Variants in SHANK2 observed in about 807,000 individuals in gnomAD.
SHANK2 encodes SH3 and multiple ankyrin repeat domains 2, also known as SH3 and multiple ankyrin repeat domains protein 2.
In SHANK2, 43 loss-of-function variants were observed where a neutral mutation model predicts 133.7. The ratio of observed to expected loss-of-function variants is 0.32; its 90% CI spans 0.25 to 0.41. The LOEUF is 0.41. Among genes scored for constraint, SHANK2 ranks in the 10% least tolerant of loss-of-function variants. SHANK2 has a pLI of 1.00. For missense variants in SHANK2, 1,994 were observed against 2,235.8 expected, an observed-to-expected ratio of 0.89 and a Z score of 2.18; for synonymous variants, 1,017 against 952.8, an observed-to-expected ratio of 1.07 and a Z score of -1.24.
intron 17 of SHANK2, among the ~76,000 whole-genome samples, chr11:70,600,174 T>C (rs2060473529): frequency 6.6e-6 from 1 of 151,800 alleles, no homozygotes; most frequent in Non-Finnish European, 1.5e-5. Flanking sequence ...ATCCCAGCCA[T>C]TTGAGAGGCT....
chr11:70,680,571 G>A (rs984497870), intron 15 of SHANK2, among the ~76,000 whole-genome samples: 2 of 152,086 alleles, frequency 1.3e-5, no homozygotes, highest in Non-Finnish European at 2.9e-5. Context: ...ACCTGCATTC[G>A]CCAGGACCAT....
chr11:70,594,117 A>G (rs1554988770), intron 17 of SHANK2, among the ~76,000 whole-genome samples: 1 of 152,116 alleles, frequency 6.6e-6, no homozygotes, highest in African/African-American at 2.4e-5. Context: ...TTAAAATTTT[A>G]TTGTGCCTCA....
At chr11:70,601,047 A>ATATCTATATCTATATCTC (rs2060489697) in intron 17 of SHANK2, among the ~76,000 whole-genome samples, 1 of 150,842 alleles carries the variant, frequency 6.6e-6, no homozygotes, top group African/African-American at 2.5e-5. Context: ...ATCTATATCT[A>ATATCTATATCTATATCTC]TATCTATATC....
chr11:70,857,513 C>T (rs1475612900), intron 11 of SHANK2, among the ~76,000 whole-genome samples: 8 of 152,128 alleles, frequency 5.3e-5, no homozygotes, highest in Non-Finnish European at 1.2e-4. Flanking sequence ...TTTCCTTTTC[C>T]TCAAGTGGCC....
intron 8 of SHANK2, among the ~76,000 whole-genome samples, chr11:71,087,122 G>A (rs912752051): frequency 3.9e-5 from 6 of 152,296 alleles, no homozygotes; most frequent in African/African-American, 1.4e-4. Flanking sequence ...CAAGGTGGCC[G>A]GGTGGCTCTG....
At chr11:70,738,774 G>A (rs115733239) in intron 14 of SHANK2, among the ~76,000 whole-genome samples, 3,634 of 152,242 alleles carry the variant, frequency 0.024, 138 homozygotes, top group African/African-American at 0.083. Context: ...GCCAGAAGCC[G>A]CCCGCCTCTT....
Position 71,118,936 on chromosome 11 carries a change from C to T in SHANK2, c.304G>A (p.Gly102Ser), listed in dbSNP as rs1377679556. 17 of 1,551,638 alleles carry T rather than the reference C, an allele frequency of 1.1e-5. No homozygotes were observed. Among genetic ancestry groups the T allele is most frequent in the South Asian group, 2.4e-5 (2 of 84,060 alleles). ...TQSLKDVLNY[G>S]LFQPASNGRD... is the part of the protein sequence containing the mutation. ...CCATTGCTGGCCGGCTGGAACAGGC[C>T]GTAGTTCAGGACATCTTTCAAACTC... Residue 102 changes from glycine to serine, a missense_variant, in exon 4 of 26, where the codon GGC (glycine) becomes AGC (serine). Gly to Ser is a moderately conservative substitution (Grantham distance 56). Around this residue, in one of 5 missense-constraint regions of SHANK2, gnomAD observed 653 missense variants for 563.4 expected, o/e 1.16. Transcript: ENST00000601538.
chr11:70,865,722 G>T (rs782700598), intron 11 of SHANK2, among the ~76,000 whole-genome samples: 2 of 152,300 alleles, frequency 1.3e-5, no homozygotes, highest in African/African-American at 4.8e-5. Flanking sequence ...TGGACAAGAA[G>T]TGTGTTCTTC....
In SHANK2 at chr11:71,175,759, A is replaced by G. The variant is rs1167572078; in HGVS notation, c.-12-28421T>C. 6.6e-6 allele frequency among the ~76,000 whole-genome samples: 1 copy of G among 152,214 alleles called. No homozygotes were observed. Among genetic ancestry groups the G allele is most frequent in the Non-Finnish European group, 1.5e-5 (1 of 68,050 alleles). ...GTATAGGACAGGATGCACAGGAGAGAGGAAATAATGAGGTGAGCCCTATGA... is the reference window on the plus strand; with the variant it reads ...GTATAGGACAGGATGCACAGGAGAGGGGAAATAATGAGGTGAGCCCTATGA... On this transcript the variant is annotated intron_variant, in intron 2 of 25. Coordinates refer to ENST00000601538, the MANE Select transcript of SHANK2 (RefSeq NM_012309.5). This position sits in a 1 kb window ranked among gnomAD's most constrained non-coding sequence, Gnocchi z 4.2.
chr11:70,709,683 C>T (rs1555025730), intron 14 of SHANK2, among the ~76,000 whole-genome samples: 23 of 152,198 alleles, frequency 1.5e-4, no homozygotes, highest in Non-Finnish European at 5.9e-5. Context: ...AGCGCACACA[C>T]TCAGTGTTGG....
intron 6 of SHANK2, among the ~76,000 whole-genome samples, chr11:71,105,531 G>A (rs938791143): frequency 1.4e-5 from 2 of 146,392 alleles, no homozygotes; most frequent in Non-Finnish European, 1.5e-5. Context: ...GGCGGAGGTT[G>A]CAGTGAGCCA....
At chr11:71,087,614 G>T (rs898881088) in intron 8 of SHANK2, among the ~76,000 whole-genome samples, 6 of 152,198 alleles carry the variant, frequency 3.9e-5, no homozygotes, top group Middle Eastern at 3.4e-3. Flanking sequence ...GGTCCCATAC[G>T]CATTTAGCTG....
At chr11:70,565,525 C>T (rs536197850) in intron 17 of SHANK2, among the ~76,000 whole-genome samples, 1 of 152,294 alleles carries the variant, frequency 6.6e-6, no homozygotes, top group Non-Finnish European at 1.5e-5. Flanking sequence ...GGATTACAGG[C>T]GTGAGCCACC....
intron 14 of SHANK2, among the ~76,000 whole-genome samples, chr11:70,713,612 C>T (rs1209597718): frequency 6.6e-6 from 1 of 152,148 alleles, no homozygotes; most frequent in Non-Finnish European, 1.5e-5. Flanking sequence ...TGTCAGCCTC[C>T]AAGAGTCTGA....
chr11:70,652,035 G>T (rs2061344939), intron 17 of SHANK2, among the ~76,000 whole-genome samples: 1 of 152,248 alleles, frequency 6.6e-6, no homozygotes, highest in South Asian at 2.1e-4. Context: ...AAGGGATGCT[G>T]GCACCAGGCA....
At chr11:70,652,947 A>G (rs952332009) in intron 17 of SHANK2, among the ~76,000 whole-genome samples, 10 of 152,192 alleles carry the variant, frequency 6.6e-5, no homozygotes, top group Admixed American at 3.3e-4. Context: ...ATGACTGATC[A>G]TGCTGCATCT....
intron 2 of SHANK2, among the ~76,000 whole-genome samples, chr11:71,166,047 A>G (rs1296455281): frequency 2.0e-5 from 3 of 152,192 alleles, no homozygotes; most frequent in Non-Finnish European, 4.4e-5. Context: ...GACACCAACA[A>G]GCACACACTA....
rs546211800 is a variant in SHANK2 at position 70,500,707 on chromosome 11, C to T, written c.2288-117G>A. 179 of 1,390,972 alleles carry T rather than the reference C, an allele frequency of 1.3e-4. No homozygotes were observed. The highest frequency in any genetic ancestry group is 1.3e-3 in the Admixed American group (65 of 50,842). The allele number at this position is 1,390,972 out of a possible 1,614,324, so 86.2% of individuals were successfully genotyped here. A position where few individuals can be genotyped will look rare whatever the true frequency, so the allele number is the denominator to read the frequency against. ...GGAGCAGGCTGGGCCGGCAATGGGGCGGCAGGCAGGGGCTGTCTGGAACGC... is the reference window on the plus strand; with the variant it reads ...GGAGCAGGCTGGGCCGGCAATGGGGTGGCAGGCAGGGGCTGTCTGGAACGC... On this transcript the variant is annotated intron_variant, in intron 20 of 25. Coordinates refer to ENST00000601538, the MANE Select transcript of SHANK2 (RefSeq NM_012309.5). This position sits in a 1 kb window ranked among gnomAD's most constrained non-coding sequence, Gnocchi z 4.5.
In SHANK2 at chr11:71,133,139, G is replaced by A. The variant is rs534809034; in HGVS notation, c.207+13981C>T. On this transcript the variant is annotated intron_variant, in intron 3 of 25. Coordinates refer to ENST00000601538, the MANE Select transcript of SHANK2 (RefSeq NM_012309.5). ...AGAATGGATAGATGGGTGAATGAGT[G>A]GATGGAGGGAGGGAGGGAGGGGTGA... Among the ~76,000 whole-genome samples the A allele has an allele frequency of 7.4e-4, 111 of 150,976 alleles. 2 individuals carry two copies. Among genetic ancestry groups the A allele is most frequent in the Admixed American group, 6.2e-3 (94 of 15,176 alleles).
Sources: allele counts gnomAD v4.1 joint callset (sites outside exome capture counted in the v4.1 genomes callset), GRCh38; gene constraint gnomAD v4.1.1; regional missense constraint gnomAD v4.1.1; non-coding constraint Gnocchi (gnomAD v3.1); transcripts MANE v1.5; gene names NCBI Gene and HGNC (gene_info 2026-07-23, HGNC 2026-07-21).